The following CADM2 variants were observed in gnomAD, a reference collection of about 807,000 sequenced individuals.
CADM2 encodes cell adhesion molecule 2.
A neutral mutation model predicts 49.8 loss-of-function variants in CADM2; 12 were observed. The observed-to-expected ratio is 0.24, with a 90% CI of 0.15 to 0.39. The LOEUF is 0.39. Among genes scored for constraint, CADM2 ranks in the 10% least tolerant of loss-of-function variants. The pLI, the probability that CADM2 is intolerant of heterozygous loss-of-function variation, is 1.00. For synonymous variants in CADM2, 214 were observed against 175.4 expected (o/e 1.22, Z -1.74); for missense variants, 378 against 492.3 (o/e 0.77, Z 2.20).
chr3:85,796,735 G>T (rs2071646472), intron 2 of CADM2, among the ~76,000 whole-genome samples: 1 of 151,772 alleles, frequency 6.6e-6, no homozygotes, highest in African/African-American at 2.4e-5. Context: ...TTTTTCCAGT[G>T]GGGGAACAGC....
At chr3:86,064,325 A>G (rs893302047) in intron 8 of CADM2, among the ~76,000 whole-genome samples, 1 of 151,726 alleles carries the variant, frequency 6.6e-6, no homozygotes, top group Non-Finnish European at 1.5e-5. Context: ...TGTCCTTGCG[A>G]TAGTTTGCTG....
At chr3:85,865,437 C>T (rs2075687898) in intron 3 of CADM2, among the ~76,000 whole-genome samples, 1 of 152,112 alleles carries the variant, frequency 6.6e-6, no homozygotes, top group African/African-American at 2.4e-5. Context: ...AAGCATGGAG[C>T]AAAAATATGA....
In CADM2 at chr3:85,134,570, T is replaced by C. The variant is rs1335527424; in HGVS notation, c.61+174902T>C. On this transcript the variant is annotated intron_variant, in intron 1 of 9. Coordinates refer to ENST00000383699, the MANE Select transcript of CADM2 (RefSeq NM_001167675.2). ...AGCAGAGTTGGTTATACATGTTTAG[T>C]ACCAATATATCTGTTATTTTTAGTT... is the stretch of plus-strand genomic sequence containing the variant. Among the ~76,000 whole-genome samples the C allele has an allele frequency of 2.0e-5, 3 of 152,226 alleles. No individual in the cohort carries two copies. In the East Asian group the frequency reaches 5.8e-4, roughly 29 times the overall value.
chr3:85,371,714 T>TATATATATATATA (rs2033254242), intron 1 of CADM2, among the ~76,000 whole-genome samples: 2 of 138,124 alleles, frequency 1.4e-5, no homozygotes, highest in Admixed American at 7.4e-5. Flanking sequence ...TATATATATA[T>TATATATATATATA]TCACTTACAA....
chr3:86,052,686 T>C (rs1737483585), intron 8 of CADM2, among the ~76,000 whole-genome samples: 1 of 152,142 alleles, frequency 6.6e-6, no homozygotes, highest in Non-Finnish European at 1.5e-5. Context: ...AGTAAATTTC[T>C]TCTGAAGATT....
intron 3 of CADM2, among the ~76,000 whole-genome samples, chr3:85,822,188 A>G (rs1338020390): frequency 1.3e-5 from 2 of 152,196 alleles, no homozygotes; most frequent in Non-Finnish European, 2.9e-5. Flanking sequence ...CTTTGTATTA[A>G]CATCAGTTAT....
At chr3:85,239,993 A>T (rs1484201608) in intron 1 of CADM2, among the ~76,000 whole-genome samples, 1 of 151,488 alleles carries the variant, frequency 6.6e-6, no homozygotes, top group Non-Finnish European at 1.5e-5. Flanking sequence ...AAGTATCTTT[A>T]TAGTAAGAAT....
At chr3:85,046,897 G>A (rs771862059) in intron 1 of CADM2, among the ~76,000 whole-genome samples, 4 of 151,292 alleles carry the variant, frequency 2.6e-5, no homozygotes, top group Non-Finnish European at 4.4e-5. Flanking sequence ...ATCAATACAC[G>A]TCATACATAT....
chr3:86,072,913 A>G lies in CADM2; in HGVS notation c.*6130A>G, dbSNP rs1009786314. Reference sequence around the variant, plus strand: ...AAGCTAGTACTCTTTCTCCTTATAAATGTACACAATTTTAATCTTTTTACA... The same window carrying G: ...AAGCTAGTACTCTTTCTCCTTATAAGTGTACACAATTTTAATCTTTTTACA... On this transcript the variant is annotated 3_prime_UTR_variant, in exon 10 of 10. Transcript: ENST00000383699. 1 of 152,088 alleles carries G rather than the reference A, an allele frequency of 6.6e-6. No homozygotes were observed. Among genetic ancestry groups the G allele is most frequent in the Non-Finnish European group, 1.5e-5 (1 of 67,988 alleles). The allele number at this position is 152,088 out of a possible 1,614,324, so 9.4% of individuals were successfully genotyped here. A position where few individuals can be genotyped will look rare whatever the true frequency, so the allele number is the denominator to read the frequency against.
In CADM2 at chr3:85,107,585, TTTTC is replaced by T. The variant is rs1553683739; in HGVS notation, c.61+147931_61+147934del. 5.1e-3 allele frequency among the ~76,000 whole-genome samples: 343 copies of T among 66,850 alleles called. 1 individual carries two copies. Among genetic ancestry groups the T allele is most frequent in the African/African-American group, 8.1e-3 (272 of 33,738 alleles). 43.9% of individuals were successfully genotyped at this position (66,850 alleles called of 152,430 possible). A position where few individuals can be genotyped will look rare whatever the true frequency, so the allele number is the denominator to read the frequency against. ...TCTTCTCTCTTTCTCTCTTTCTTTC[TTTTC>T]TTTCTTTCTTTCTCTTTCTTTTTCT... is the stretch of plus-strand genomic sequence containing the variant. On this transcript the variant is annotated intron_variant, in intron 1 of 9. Coordinates refer to ENST00000383699, the MANE Select transcript of CADM2 (RefSeq NM_001167675.2).
intron 1 of CADM2, among the ~76,000 whole-genome samples, chr3:85,522,814 C>A (rs2061056688): frequency 6.6e-6 from 1 of 151,968 alleles, no homozygotes; most frequent in Non-Finnish European, 1.5e-5. Flanking sequence ...GATAGAAAGA[C>A]ACAGGGCTGA....
intron 1 of CADM2, among the ~76,000 whole-genome samples, chr3:85,637,619 A>ATG (rs60283547): frequency 7.4e-6 from 1 of 134,890 alleles, no homozygotes; most frequent in Admixed American, 7.5e-5. Context: ...AAAAAAAAAA[A>ATG]AAAAAATAAA....
chr3:85,127,584 T>C (rs2039078572), intron 1 of CADM2, among the ~76,000 whole-genome samples: 4 of 152,220 alleles, frequency 2.6e-5, no homozygotes, highest in Non-Finnish European at 5.9e-5. Context: ...AATTTATTTA[T>C]ACTTCTACCT....
chr3:85,686,425 T>A (rs2107669800), intron 1 of CADM2, among the ~76,000 whole-genome samples: 1 of 152,342 alleles, frequency 6.6e-6, no homozygotes. Flanking sequence ...ACAAATATTT[T>A]TTAAACACAT....
chr3:85,928,415 C>T (rs186894101), intron 6 of CADM2, among the ~76,000 whole-genome samples: 2 of 151,992 alleles, frequency 1.3e-5, no homozygotes, highest in Non-Finnish European at 2.9e-5. Context: ...CCTCGGCCTC[C>T]GAAAGTGCTG....
At chr3:85,259,387 A>C (rs1325520785) in intron 1 of CADM2, among the ~76,000 whole-genome samples, 1 of 133,218 alleles carries the variant, frequency 7.5e-6, no homozygotes, top group East Asian at 2.1e-4. Flanking sequence ...TGATGATCAA[A>C]TCTTTAAGAA....
chr3:84,961,027 G>C (rs1019278695), intron 1 of CADM2, among the ~76,000 whole-genome samples: 10 of 151,936 alleles, frequency 6.6e-5, no homozygotes, highest in African/African-American at 2.2e-4. Context: ...TTTTTTCTTT[G>C]CCTGCCTCTA....
At chr3:85,720,958 A>T (rs1318771278) in intron 1 of CADM2, among the ~76,000 whole-genome samples, 1 of 152,230 alleles carries the variant, frequency 6.6e-6, no homozygotes, top group Non-Finnish European at 1.5e-5. Context: ...TTTGTTGATT[A>T]ACATTGCTGT....
intron 1 of CADM2, among the ~76,000 whole-genome samples, chr3:85,302,757 A>G (rs1035677291): frequency 1.3e-5 from 2 of 152,040 alleles, no homozygotes; most frequent in East Asian, 3.9e-4. Context: ...TGTAATTGTG[A>G]AGGAAATAAT....
Sources: gnomAD v4.1 joint callset for allele counts (sites outside exome capture counted in the v4.1 genomes callset) on GRCh38, gnomAD v4.1.1 for gene constraint, MANE v1.5 for transcripts, NCBI Gene and HGNC (gene_info 2026-07-23, HGNC 2026-07-21) for gene names.